Variants in FMO2 observed in about 807,000 individuals in gnomAD.
The protein encoded by FMO2 is flavin-containing monooxygenase 2.
In FMO2, 33 loss-of-function variants were observed where a neutral mutation model predicts 41.6. The ratio of observed to expected loss-of-function variants is 0.79; its 90% CI spans 0.60 to 1.06. FMO2 has a LOEUF of 1.06. Among genes scored for constraint, FMO2 ranks in the 50% least tolerant of loss-of-function variants. The probability of loss-of-function intolerance (pLI) is 0.00; values close to 1 mark genes in which losing one functional copy is unlikely to be tolerated. For synonymous variants in FMO2, 214 were observed against 219.6 expected, an observed-to-expected ratio of 0.97 and a Z score of 0.23; for missense variants, 619 against 632.9, an observed-to-expected ratio of 0.98 and a Z score of 0.23.
chr1:171,211,545 A>ATT lies in FMO2; in HGVS notation c.*2401_*2402insTT, dbSNP rs199679198. On this transcript the variant is annotated 3_prime_UTR_variant, in exon 9 of 9. Transcript: ENST00000209929. Reference sequence around the variant, plus strand: ...GCGGAAATATAGCTCCACTAGGAAAATATTATTAAATTTATATCCCTAAAA... The same window carrying ATT: ...GCGGAAATATAGCTCCACTAGGAAAATTTATTATTAAATTTATATCCCTAAAA... Among the ~76,000 whole-genome samples the ATT allele has an allele frequency of 0.014, 2,108 of 152,316 alleles. 44 individuals are homozygous for ATT. Among genetic ancestry groups the ATT allele is most frequent in the African/African-American group, 0.049 (2,027 of 41,560 alleles).
intron 7 of FMO2, among the ~76,000 whole-genome samples, chr1:171,206,418 CA>C (rs1174031505): frequency 6.6e-6 from 1 of 152,142 alleles, no homozygotes; most frequent in Non-Finnish European, 1.5e-5. Context: ...TGGAAGGGCA[CA>C]TGCTATTTGA....
chr1:171,209,107 G>C lies in FMO2; in HGVS notation c.1570G>C (p.Val524Leu). The C allele has an allele frequency of 1.3e-6, 1 of 798,422 alleles. No homozygotes were observed. Among genetic ancestry groups the C allele is most frequent in the South Asian group, 1.9e-5 (1 of 53,224 alleles). The allele number at this position is 798,422 out of a possible 1,614,324, so 49.5% of individuals were successfully genotyped here. ...GTTGAAAATCCTGGGCCTTCTTGCTGTTGTTGTGGCCTTTTTTTGCCAACT... is the reference window on the plus strand; with the variant it reads ...GTTGAAAATCCTGGGCCTTCTTGCTCTTGTTGTGGCCTTTTTTTGCCAACT... Reference protein sequence around the residue: ...FLLKILGLLAVVVAFFCQLQW... With the variant: ...FLLKILGLLALVVAFFCQLQW... The change falls in exon 9 of 9, where the codon GTT (valine) becomes CTT (leucine). Residue 524 changes from valine to leucine, a missense_variant. Coordinates refer to ENST00000209929, the MANE Select transcript of FMO2 (RefSeq NM_001460.5).
chr1:171,203,399 C>T (rs551459353), intron 5 of FMO2, among the ~76,000 whole-genome samples: 2 of 152,116 alleles, frequency 1.3e-5, no homozygotes, highest in Admixed American at 1.3e-4. Flanking sequence ...ATTATTTCCC[C>T]TGTTATTCTC....
Position 171,203,855 on chromosome 1 carries a change from T to C in FMO2, c.628-10T>C, listed in dbSNP as rs1427416379. On this transcript the variant is annotated splice_polypyrimidine_tract_variant and intron_variant, in intron 5 of 8. Coordinates refer to ENST00000209929, the MANE Select transcript of FMO2 (RefSeq NM_001460.5). ...CCCTAATTTAAACTGCATTTCTTTTTGCTTGCCAGGTTTTTATCAGCACCA... is the reference window on the plus strand; with the variant it reads ...CCCTAATTTAAACTGCATTTCTTTTCGCTTGCCAGGTTTTTATCAGCACCA... 2.5e-6 allele frequency: 4 copies of C among 1,613,002 alleles called. No individual in the cohort carries two copies. The South Asian group carries it at 4.4e-5, about 18-fold the overall frequency.
chr1:171,185,603 A>C, intron 1 of FMO2, 105 bp from the exon 2 acceptor site: 1 of 1,110,358 alleles, frequency 9.0e-7, no homozygotes, highest in Middle Eastern at 2.4e-4. Flanking sequence ...TGCTTATTAA[A>C]TTACCACTGC....
chr1:171,186,386 G>C (rs1488888460), intron 2 of FMO2: 2 of 152,512 alleles, frequency 1.3e-5, no homozygotes, highest in African/African-American at 2.4e-5. Flanking sequence ...CTATTTGTCT[G>C]TATTAGTCCA....
intron 3 of FMO2, among the ~76,000 whole-genome samples, chr1:171,194,282 T>C (rs1455397153): frequency 6.6e-6 from 1 of 152,216 alleles, no homozygotes; most frequent in Non-Finnish European, 1.5e-5. Context: ...TTATCATTTT[T>C]TTCTGAATGC....
rs1476263106 is a variant in FMO2, at chr1:171,206,023, G to A, written c.1183+389G>A. Among the ~76,000 whole-genome samples, 5 of 152,112 alleles carry A rather than the reference G, an allele frequency of 3.3e-5. No homozygotes were observed. In the East Asian group the frequency reaches 9.6e-4, roughly 29 times the overall value. On this transcript the variant is annotated intron_variant, in intron 7 of 8. Coordinates refer to ENST00000209929, the MANE Select transcript of FMO2 (RefSeq NM_001460.5). ...AATCAATTTAACTCTTAATACTTGAGCAGCTCAACCTCACAAATCCCTACA... is the reference window on the plus strand; with the variant it reads ...AATCAATTTAACTCTTAATACTTGAACAGCTCAACCTCACAAATCCCTACA...
In FMO2 at chr1:171,208,748, A is replaced by G. The variant is rs764284309; in HGVS notation, c.1257-46A>G. ...TTTTGAATGCCTAATATTCTAGAAA[A>G]CTTAGAACATTCTGTGAACATTCCC... On this transcript the variant is annotated intron_variant, in intron 8 of 8. Coordinates refer to ENST00000209929, the MANE Select transcript of FMO2 (RefSeq NM_001460.5). 1.9e-6 allele frequency: 3 copies of G among 1,584,402 alleles called. No homozygotes were observed. In the South Asian group the frequency reaches 3.4e-5, roughly 18 times the overall value.
At position 171,207,712 on chromosome 1, in the gene FMO2, C is replaced by G; in HGVS notation, c.1184-6C>G. 6.3e-7 allele frequency: 1 copy of G among 1,593,138 alleles called. No homozygotes were observed. The highest frequency in any genetic ancestry group is 2.2e-5 in the East Asian group (1 of 44,706). ...TTACTATTCAAACCAACCTTTTATTCCTTAGGCTTGTGTAGCCTGCCCTCA... is the reference window on the plus strand; with the variant it reads ...TTACTATTCAAACCAACCTTTTATTGCTTAGGCTTGTGTAGCCTGCCCTCA... On this transcript the variant is annotated splice_region_variant and splice_polypyrimidine_tract_variant and intron_variant, in intron 7 of 8. Transcript: ENST00000209929.
intron 2 of FMO2, among the ~76,000 whole-genome samples, chr1:171,189,814 A>G (rs1557974070): frequency 6.6e-6 from 1 of 152,016 alleles, no homozygotes; most frequent in East Asian, 1.9e-4. Context: ...CCCATCTTCT[A>G]ATGCAACTGG....
chr1:171,207,289 C>T (rs1658800184), intron 7 of FMO2, among the ~76,000 whole-genome samples: 1 of 152,190 alleles, frequency 6.6e-6, no homozygotes, highest in Non-Finnish European at 1.5e-5. Context: ...CTGGTCTCCC[C>T]AGCTTTGGGC....
intron 5 of FMO2, among the ~76,000 whole-genome samples, chr1:171,202,581 C>T (rs376092944): frequency 1.3e-5 from 2 of 152,196 alleles, no homozygotes; most frequent in African/African-American, 4.8e-5. Flanking sequence ...TATATACCAC[C>T]TCATTTAATC....
intron 2 of FMO2, among the ~76,000 whole-genome samples, chr1:171,192,608 CAA>C (rs1327973191): frequency 1.3e-5 from 2 of 150,848 alleles, no homozygotes; most frequent in African/African-American, 4.9e-5. Flanking sequence ...AAAATACACA[CAA>C]AAAAAATTAG....
chr1:171,204,579 C>T (rs1571290194), intron 6 of FMO2, among the ~76,000 whole-genome samples: 1 of 152,132 alleles, frequency 6.6e-6, no homozygotes, highest in Non-Finnish European at 1.5e-5. Flanking sequence ...TTAGTTGTTA[C>T]AGGCTTCTTC....
Position 171,209,182 on chromosome 1 carries a change from C to A in FMO2, c.*37C>A. ...CTTTGGGCTTTATTATCTTGTCAGT[C>A]ACTACCTCCTAAAGAAAAAAAAAAA... On this transcript the variant is annotated 3_prime_UTR_variant, in exon 9 of 9. Transcript: ENST00000209929. The A allele has an allele frequency of 2.4e-6, 1 of 419,510 alleles. No homozygotes were observed. Among genetic ancestry groups the A allele is most frequent in the South Asian group, 9.0e-5 (1 of 11,168 alleles). 26.0% of individuals were successfully genotyped at this position (419,510 alleles called of 1,614,324 possible). A position where few individuals can be genotyped will look rare whatever the true frequency, so the allele number is the denominator to read the frequency against.
chr1:171,204,173 A>G (rs972427257), intron 6 of FMO2, 109 bp downstream of exon 6: 7 of 738,250 alleles, frequency 9.5e-6, no homozygotes, highest in Non-Finnish European at 1.6e-5. Flanking sequence ...TAAAACTACA[A>G]TCTAACAATA....
At chr1:171,193,861 C>A (rs1354363305) in intron 3 of FMO2, among the ~76,000 whole-genome samples, 3 of 151,470 alleles carry the variant, frequency 2.0e-5, no homozygotes, top group Non-Finnish European at 4.4e-5. Context: ...CTCACTGCAA[C>A]CTCTGCCTTC....
chr1:171,209,145 G>T lies in FMO2; in HGVS notation c.1608G>T (p.Ter536TyrextTer3). The T allele has an allele frequency of 1.8e-6, 1 of 558,228 alleles. No individual in the cohort carries two copies. The highest frequency in any genetic ancestry group is 2.6e-5 in the South Asian group (1 of 38,714). The allele number at this position is 558,228 out of a possible 1,614,324, so 34.6% of individuals were successfully genotyped here. A position where few individuals can be genotyped will look rare whatever the true frequency, so the allele number is the denominator to read the frequency against. Residue 536 changes from the stop codon to tyrosine (Y), a stop_lost, in exon 9 of 9, where the codon TAG (stop) becomes TAT (tyrosine). Coordinates refer to ENST00000209929, the MANE Select transcript of FMO2 (RefSeq NM_001460.5). ...TTTTTTGCCAACTTCAATGGTCCTA[G>T]TCAGCATAATGCTTTGGGCTTTATT... ...VAFFCQLQWS[*>Y]
Sources: allele counts gnomAD v4.1 joint callset (sites outside exome capture counted in the v4.1 genomes callset), GRCh38; gene constraint gnomAD v4.1.1; transcripts MANE v1.5; gene names NCBI Gene and HGNC (gene_info 2026-07-23, HGNC 2026-07-21).